UHMK1: variants seen among roughly 807,000 people sequenced by gnomAD.
UHMK1 encodes the protein U2AF homology motif kinase 1.
A neutral mutation model predicts 44.0 loss-of-function variants in UHMK1; 18 were observed. That is an observed-to-expected ratio of 0.41 (90% CI 0.28 to 0.61). The LOEUF (loss-of-function observed/expected upper bound fraction) is 0.61. Among genes scored for constraint, UHMK1 ranks in the 20% least tolerant of loss-of-function variants. UHMK1 has a pLI of 0.31. For synonymous variants in UHMK1, 231 were observed against 198.5 expected, an observed-to-expected ratio of 1.16 and a Z score of -1.38; for missense variants, 463 against 522.5, an observed-to-expected ratio of 0.89 and a Z score of 1.11.
intron 4 of UHMK1, among the ~76,000 whole-genome samples, chr1:162,507,581 C>CTTTTTTTTTTTTTTTTT (rs548617627): frequency 7.5e-6 from 1 of 133,220 alleles, no homozygotes. Context: ...CCCATTCTTT[C>CTTTTTTTTTTTTTTTTT]TTTTTTTTTT....
At chr1:162,520,955 T>C (rs1343715720) in intron 7 of UHMK1, among the ~76,000 whole-genome samples, 1 of 152,072 alleles carries the variant, frequency 6.6e-6, no homozygotes, top group Non-Finnish European at 1.5e-5. Flanking sequence ...TAAGATGATA[T>C]GAAAAAAGTA....
At chr1:162,500,323 G>A (rs895608903) in intron 2 of UHMK1, 76 bp downstream of exon 2, 1 of 1,478,644 alleles carries the variant, frequency 6.8e-7, no homozygotes, top group African/African-American at 1.4e-5. Flanking sequence ...AATGACAAGG[G>A]TAGTTTAGTA....
intron 4 of UHMK1, among the ~76,000 whole-genome samples, chr1:162,507,995 A>G (rs1651539093): frequency 1.3e-5 from 2 of 152,124 alleles, no homozygotes. Context: ...TTATGAAATG[A>G]TTTTTAAAAT....
intron 4 of UHMK1, among the ~76,000 whole-genome samples, chr1:162,507,974 G>A (rs1028009697): frequency 2.6e-5 from 4 of 152,152 alleles, no homozygotes; most frequent in South Asian, 4.2e-4. Context: ...CTCTTATAGT[G>A]TAATTTTATT....
At chr1:162,499,897 C>T in intron 1 of UHMK1, 58 bp from the exon 2 acceptor site, 2 of 1,552,890 alleles carry the variant, frequency 1.3e-6, no homozygotes, top group Non-Finnish European at 1.8e-6. Context: ...CAGTTACCTA[C>T]TTTAGTAGTG....
chr1:162,512,526 G>C lies in UHMK1; in HGVS notation c.875G>C (p.Arg292Thr), dbSNP rs1651703578. Reference protein sequence around the residue: ...KSMLHDDPSRRIPAEMALCSP... With the variant: ...KSMLHDDPSRTIPAEMALCSP... ...ATGCTTCATGATGATCCAAGCAGAAGAATTCCTGCTGAAATGGCATTGTGC... is the reference window on the plus strand; with the variant it reads ...ATGCTTCATGATGATCCAAGCAGAACAATTCCTGCTGAAATGGCATTGTGC... Residue 292 changes from arginine (R) to threonine (T), a missense_variant, in exon 5 of 8, where the codon AGA (arginine) becomes ACA (threonine). Physicochemically the swap from Arg to Thr is moderately conservative, Grantham distance 71. Around this residue, in one of 3 missense-constraint regions of UHMK1, gnomAD observed 264 missense variants for 326.3 expected, o/e 0.81. Transcript: ENST00000489294. 1 of 1,612,772 alleles carries C rather than the reference G, an allele frequency of 6.2e-7. No individual in the cohort carries two copies. The highest frequency in any genetic ancestry group is 8.5e-7 in the Non-Finnish European group (1 of 1,179,778).
Position 162,497,992 on chromosome 1 carries a change from C to T in UHMK1, c.-9C>T, listed in dbSNP as rs780388995. 2 of 1,569,070 alleles carry T rather than the reference C, an allele frequency of 1.3e-6. No homozygotes were observed. The highest frequency in any genetic ancestry group is 1.2e-5 in the South Asian group (1 of 85,470). Reference sequence around the variant, plus strand: ...TCAGCTCCCGTGTCCGTGCCCTTAACCCACACCGATGGCGGGATCCGGCTG... The same window carrying T: ...TCAGCTCCCGTGTCCGTGCCCTTAATCCACACCGATGGCGGGATCCGGCTG... On this transcript the variant is annotated 5_prime_UTR_variant, in exon 1 of 8. Coordinates refer to ENST00000489294, the MANE Select transcript of UHMK1 (RefSeq NM_175866.5).
At chr1:162,518,042 A>G (rs1292631780) in intron 6 of UHMK1, 60 bp from the exon 7 acceptor site, 3 of 1,239,510 alleles carry the variant, frequency 2.4e-6, no homozygotes, top group Non-Finnish European at 3.5e-6. Context: ...AAAAAATTTA[A>G]AATGTTGAAT....
At chr1:162,500,865 A>G in intron 2 of UHMK1, 48 bp from the exon 3 acceptor site, 1 of 1,560,452 alleles carries the variant, frequency 6.4e-7, no homozygotes, top group Middle Eastern at 1.8e-4. Flanking sequence ...GATGGATAGA[A>G]AGGGAGCAGC....
At chr1:162,500,493 A>G in intron 2 of UHMK1, 1 of 484,512 alleles carries the variant, frequency 2.1e-6, no homozygotes, top group South Asian at 2.9e-5. Context: ...AAAGTACTTA[A>G]CCTACATAGA....
chr1:162,506,441 T>C (rs1408870865), intron 4 of UHMK1, among the ~76,000 whole-genome samples: 4 of 152,132 alleles, frequency 2.6e-5, no homozygotes, highest in Admixed American at 6.5e-5. Context: ...AAACACTAAT[T>C]AAACAAATGT....
At chr1:162,509,636 G>A (rs989163807) in intron 4 of UHMK1, among the ~76,000 whole-genome samples, 1 of 151,838 alleles carries the variant, frequency 6.6e-6, no homozygotes, top group Middle Eastern at 3.2e-3. Context: ...GGCACTATAG[G>A]TTTTTTTTCG....
In UHMK1 at chr1:162,526,720, T is replaced by G. The variant is rs1652264162; in HGVS notation, c.*4170T>G. The G allele has an allele frequency of 6.6e-6, 1 of 152,158 alleles. No individual in the cohort carries two copies. The highest frequency in any genetic ancestry group is 2.4e-5 in the African/African-American group (1 of 41,448). The allele number at this position is 152,158 out of a possible 1,614,324, so 9.4% of individuals were successfully genotyped here. A position where few individuals can be genotyped will look rare whatever the true frequency, so the allele number is the denominator to read the frequency against. The stretch of plus-strand genomic sequence containing the variant: ...GGAAATAGCCTTGGTTTACCTTATT[T>G]TTTTGTATATGTAAAACTATTCATA... On this transcript the variant is annotated 3_prime_UTR_variant, in exon 8 of 8. Transcript: ENST00000489294.
chr1:162,503,243 A>AG (rs144763296), intron 3 of UHMK1, among the ~76,000 whole-genome samples: 11,604 of 152,092 alleles, frequency 0.076, 1,451 homozygotes, highest in African/African-American at 0.26. Context: ...ATAGAGTGCT[A>AG]GGCGCTGAAA....
intron 3 of UHMK1, among the ~76,000 whole-genome samples, chr1:162,501,476 A>G (rs1217459933): frequency 6.6e-6 from 1 of 152,106 alleles, no homozygotes; most frequent in Non-Finnish European, 1.5e-5. Context: ...CCAATTTATG[A>G]TGATTCTTTT....
rs1298756635 is a variant in UHMK1, at chr1:162,498,301, C to T, written c.268+33C>T. The T allele has an allele frequency of 1.0e-5, 16 of 1,556,914 alleles. No individual in the cohort carries two copies. In the South Asian group the frequency reaches 1.8e-4, roughly 18 times the overall value. On this transcript the variant is annotated intron_variant, in intron 1 of 7. Transcript: ENST00000489294. ...CCGCTGTCTCCTTTCTCTTCTTGCCCAGGTCACAGTCCGAGCACACTCTTC... is the reference window on the plus strand; with the variant it reads ...CCGCTGTCTCCTTTCTCTTCTTGCCTAGGTCACAGTCCGAGCACACTCTTC...
At position 162,497,957 on chromosome 1, in the gene UHMK1, A is replaced by G; in HGVS notation, c.-44A>G. Reference sequence around the variant, plus strand: ...ACCGCGGGCCCGGCCGGCCTGCCTCAGGCGTCGCGTCAGCTCCCGTGTCCG... The same window carrying G: ...ACCGCGGGCCCGGCCGGCCTGCCTCGGGCGTCGCGTCAGCTCCCGTGTCCG... On this transcript the variant is annotated 5_prime_UTR_variant, in exon 1 of 8. Coordinates refer to ENST00000489294, the MANE Select transcript of UHMK1 (RefSeq NM_175866.5). 6.9e-7 allele frequency: 1 copy of G among 1,447,796 alleles called. No homozygotes were observed. The highest frequency in any genetic ancestry group is 1.5e-5 in the African/African-American group (1 of 67,724). The allele number at this position is 1,447,796 out of a possible 1,614,324, so 89.7% of individuals were successfully genotyped here.
chr1:162,510,333 AG>A (rs1290533505), intron 4 of UHMK1, among the ~76,000 whole-genome samples: 1 of 152,176 alleles, frequency 6.6e-6, no homozygotes, highest in African/African-American at 2.4e-5. Flanking sequence ...AACTGTAATT[AG>A]GCATCTTTTG....
rs367643243 is a variant in UHMK1, at chr1:162,498,326, C to T, written c.268+58C>T. 11 of 1,511,516 alleles carry T rather than the reference C, an allele frequency of 7.3e-6. No homozygotes were observed. In the African/African-American group the frequency reaches 1.5e-4, roughly 21 times the overall value. 93.6% of individuals were successfully genotyped at this position (1,511,516 alleles called of 1,614,324 possible). ...CAGGTCACAGTCCGAGCACACTCTT[C>T]CTCTCGCTGTCTGGCGTTCCATCTT... is the stretch of plus-strand genomic sequence containing the variant. On this transcript the variant is annotated intron_variant, in intron 1 of 7. Coordinates refer to ENST00000489294, the MANE Select transcript of UHMK1 (RefSeq NM_175866.5).
Sources: gnomAD v4.1 joint callset for allele counts (sites outside exome capture counted in the v4.1 genomes callset) on GRCh38, gnomAD v4.1.1 for gene constraint, gnomAD v4.1.1 regional missense constraint, MANE v1.5 for transcripts, NCBI Gene and HGNC (gene_info 2026-07-23, HGNC 2026-07-21) for gene names.